The following CDH13 variants were observed in gnomAD, a reference collection of about 807,000 sequenced individuals.
CDH13 encodes the protein cadherin-13.
A neutral mutation model predicts 63.8 loss-of-function variants in CDH13; 24 were observed. The ratio of observed to expected loss-of-function variants is 0.38; its 90% CI spans 0.27 to 0.53. CDH13 has a LOEUF of 0.53. Among genes scored for constraint, CDH13 ranks in the 20% least tolerant of loss-of-function variants. CDH13 has a pLI of 0.85. For synonymous variants in CDH13, 503 were observed against 355.3 expected (o/e 1.42, Z -4.67); for missense variants, 1,049 against 903.1 (o/e 1.16, Z -2.07).
chr16:83,244,782 C>T (rs1014972602), intron 5 of CDH13, among the ~76,000 whole-genome samples: 6 of 152,108 alleles, frequency 3.9e-5, no homozygotes, highest in Admixed American at 3.3e-4. Flanking sequence ...CTTAATTCCC[C>T]CAGGGAGAAA....
intron 6 of CDH13, among the ~76,000 whole-genome samples, chr16:83,453,378 A>G (rs2072934358): frequency 6.6e-6 from 1 of 152,238 alleles, no homozygotes; most frequent in South Asian, 2.1e-4. Context: ...CAAAAAAATT[A>G]AAAATAAAAT....
Position 83,220,368 on chromosome 16 carries a change from G to C in CDH13, c.636+2871G>C, listed in dbSNP as rs142887983. Among the ~76,000 whole-genome samples, 598 of 152,250 alleles carry C rather than the reference G, an allele frequency of 3.9e-3. 4 individuals are homozygous for C. Among genetic ancestry groups the C allele is most frequent in the African/African-American group, 0.014 (566 of 41,538 alleles). ...ATTCCAAGTGCCTGTTTAAGAATAA[G>C]TTACTATTTTAGTAGTACAGCTAGA... On this transcript the variant is annotated intron_variant, in intron 5 of 13. Coordinates refer to ENST00000567109, the MANE Select transcript of CDH13 (RefSeq NM_001257.5).
rs1363097947 is a variant in CDH13 at position 83,720,928 on chromosome 16, C to G, written c.1539-27180C>G. 2.0e-5 allele frequency among the ~76,000 whole-genome samples: 3 copies of G among 152,200 alleles called. No individual in the cohort carries two copies. In the East Asian group the frequency reaches 5.8e-4, roughly 29 times the overall value. The stretch of plus-strand genomic sequence containing the variant: ...TGAAATGGACTGGCCTCTGGCAGAG[C>G]ATTCCTCGGTGTGGGAGCCATCAGG... On this transcript the variant is annotated intron_variant, in intron 10 of 13. Transcript: ENST00000567109.
At chr16:82,701,629 T>G (rs577475596) in intron 1 of CDH13, among the ~76,000 whole-genome samples, 2 of 152,190 alleles carry the variant, frequency 1.3e-5, no homozygotes, top group Admixed American at 1.3e-4. Flanking sequence ...GGCTGTGCTC[T>G]GTGATCACAT....
intron 3 of CDH13, among the ~76,000 whole-genome samples, chr16:83,102,089 C>T (rs762113171): frequency 2.6e-5 from 4 of 152,080 alleles, no homozygotes; most frequent in African/African-American, 4.8e-5. Flanking sequence ...GAAGATGCTA[C>T]GCTCCTGGCT....
intron 1 of CDH13, among the ~76,000 whole-genome samples, chr16:82,768,917 G>T (rs574835309): frequency 3.9e-5 from 6 of 152,146 alleles, no homozygotes; most frequent in African/African-American, 1.4e-4. Context: ...GAGTTAGTTA[G>T]CAGGTCTCTT....
chr16:83,352,533 G>A (rs1157998903), intron 6 of CDH13, among the ~76,000 whole-genome samples: 2 of 152,096 alleles, frequency 1.3e-5, no homozygotes, highest in East Asian at 3.9e-4. Flanking sequence ...TTATCACTAC[G>A]TATATTCATC....
intron 5 of CDH13, among the ~76,000 whole-genome samples, chr16:83,279,256 T>C (rs2089088225): frequency 6.6e-6 from 1 of 152,200 alleles, no homozygotes; most frequent in Admixed American, 6.5e-5. Context: ...CAGCTGTTTT[T>C]ATAGATCTGA....
intron 7 of CDH13, among the ~76,000 whole-genome samples, chr16:83,598,484 C>T (rs1452983591): frequency 6.6e-6 from 1 of 152,198 alleles, no homozygotes; most frequent in African/African-American, 2.4e-5. Flanking sequence ...GATAGGAATA[C>T]TGTTTTGAAG....
chr16:83,215,338 C>G (rs912740996), intron 4 of CDH13, among the ~76,000 whole-genome samples: 4 of 151,930 alleles, frequency 2.6e-5, no homozygotes, highest in African/African-American at 9.7e-5. Context: ...CTTGGCCTCT[C>G]AAAGTGCTGG....
intron 4 of CDH13, among the ~76,000 whole-genome samples, chr16:83,125,944 C>T (rs979937716): frequency 6.6e-6 from 1 of 152,166 alleles, no homozygotes; most frequent in Non-Finnish European, 1.5e-5. Context: ...GGAATAAAAT[C>T]ATACTAATCA....
chr16:82,952,268 G>A (rs745870202), intron 2 of CDH13, among the ~76,000 whole-genome samples: 2 of 152,112 alleles, frequency 1.3e-5, no homozygotes, highest in Non-Finnish European at 2.9e-5. Flanking sequence ...ATCTGAGCGT[G>A]GGCAGCTTTC....
chr16:83,704,774 A>G (rs1365823429), intron 10 of CDH13, among the ~76,000 whole-genome samples: 1 of 152,236 alleles, frequency 6.6e-6, no homozygotes, highest in Non-Finnish European at 1.5e-5. Flanking sequence ...AAAAATTTCC[A>G]AAGTTCAATT....
chr16:82,934,396 G>A (rs542567810), intron 2 of CDH13, among the ~76,000 whole-genome samples: 1 of 152,312 alleles, frequency 6.6e-6, no homozygotes, highest in South Asian at 2.1e-4. Flanking sequence ...ACACAGCTGG[G>A]GGGCCCTGGC....
chr16:83,246,810 T>C (rs1281810243), intron 5 of CDH13, among the ~76,000 whole-genome samples: 4 of 152,198 alleles, frequency 2.6e-5, no homozygotes, highest in African/African-American at 9.7e-5. Context: ...ATGTGTTCAG[T>C]TGGGACATTG....
rs538012698 is a variant in CDH13 at position 83,461,503 on chromosome 16, TA to T, written c.782-24971del. ...TTGAGATTCTTAAAAACCAGTTCAC[TA>T]AATTGAGGTGAGACCCCCGCCTTTG... On this transcript the variant is annotated intron_variant, in intron 6 of 13. Transcript: ENST00000567109. Among the ~76,000 whole-genome samples the T allele has an allele frequency of 1.2e-4, 19 of 152,290 alleles. No individual in the cohort carries two copies. In the East Asian group the frequency reaches 3.7e-3, roughly 29 times the overall value.
chr16:83,615,603 C>A (rs576859259), intron 8 of CDH13, among the ~76,000 whole-genome samples: 1 of 152,112 alleles, frequency 6.6e-6, no homozygotes, highest in African/African-American at 2.4e-5. Context: ...CTACTGGGAT[C>A]TCTATCTCAT....
At chr16:83,361,473 C>G (rs1009660936) in intron 6 of CDH13, among the ~76,000 whole-genome samples, 1 of 152,082 alleles carries the variant, frequency 6.6e-6, no homozygotes, top group African/African-American at 2.4e-5. Context: ...CTTGTGATTG[C>G]TTTTGAGAAC....
chr16:83,195,495 C>T (rs1351728135), intron 4 of CDH13, among the ~76,000 whole-genome samples: 1 of 151,990 alleles, frequency 6.6e-6, no homozygotes, highest in Non-Finnish European at 1.5e-5. Context: ...GGAGCAGGAC[C>T]AAGAGAGAGA....
Sources: gnomAD v4.1 joint callset for allele counts (sites outside exome capture counted in the v4.1 genomes callset) on GRCh38, gnomAD v4.1.1 for gene constraint, MANE v1.5 for transcripts, NCBI Gene and HGNC (gene_info 2026-07-23, HGNC 2026-07-21) for gene names.